ZFC3H1: variants seen among roughly 807,000 people sequenced by gnomAD.
The protein encoded by ZFC3H1 is zinc finger C3H1 domain-containing protein.
A neutral mutation model predicts 243.7 loss-of-function variants in ZFC3H1; 71 were observed. The observed-to-expected ratio is 0.29, with a 90% CI of 0.24 to 0.36. The LOEUF (loss-of-function observed/expected upper bound fraction) is 0.36. Ranked by LOEUF, ZFC3H1 falls within the 10% of genes least tolerant of loss-of-function variation. The probability of loss-of-function intolerance (pLI) is 1.00; values close to 1 mark genes in which losing one functional copy is unlikely to be tolerated. For synonymous variants in ZFC3H1, 838 were observed against 813.0 expected, an observed-to-expected ratio of 1.03 and a Z score of -0.52; for missense variants, 1,966 against 2,317.1, an observed-to-expected ratio of 0.85 and a Z score of 3.11.
At position 71,619,402 on chromosome 12, in the gene ZFC3H1, C is replaced by T. The variant is rs768853528; in HGVS notation, c.5057G>A (p.Gly1686Asp). 2 of 1,613,128 alleles carry T rather than the reference C, an allele frequency of 1.2e-6. No homozygotes were observed. Among genetic ancestry groups the T allele is most frequent in the Admixed American group, 1.7e-5 (1 of 59,958 alleles). ...CCGCAAAAATGGAAGAAGATTATCG[C>T]CTCGATTCTATTTTAAAAAGAGGGA... ...MCKFFILQNR[G>D]DNLLPFLRKF... The change falls in exon 27 of 35, where the codon GGC (glycine) becomes GAC (aspartate). Residue 1686 changes from glycine (G) to aspartate (D), a missense_variant. Physicochemically the swap from Gly to Asp is moderately conservative, Grantham distance 94. This residue lies in a region of ZFC3H1 where 1,383 missense variants were observed against 1,723.7 expected (regional missense o/e 0.80). Coordinates refer to ENST00000378743, the MANE Select transcript of ZFC3H1 (RefSeq NM_144982.5).
intron 6 of ZFC3H1, 74 bp downstream of exon 6, chr12:71,642,362 G>GT: frequency 6.8e-7 from 1 of 1,479,088 alleles, no homozygotes; most frequent in Admixed American, 2.1e-5. Flanking sequence ...TTCTTTAAAG[G>GT]TTTTGAGTAC....
At chr12:71,628,051 ATG>A (rs1384078693) in intron 20 of ZFC3H1, 117 bp from the exon 21 acceptor site, 9 of 998,536 alleles carry the variant, frequency 9.0e-6, no homozygotes, top group Non-Finnish European at 1.5e-6. Flanking sequence ...TTCTAATGAC[ATG>A]TACTAGCTCA....
At chr12:71,640,495 A>T (rs1186304701) in intron 6 of ZFC3H1, among the ~76,000 whole-genome samples, 1 of 152,246 alleles carries the variant, frequency 6.6e-6, no homozygotes, top group Admixed American at 6.5e-5. Context: ...GTGCAGATAC[A>T]GGCTCAACCT....
At position 71,629,628 on chromosome 12, in the gene ZFC3H1, G is replaced by T; in HGVS notation, c.3807C>A (p.Ile1269=). Reference sequence around the variant, plus strand: ...ACTTACTATGACCTTTACTTTCATTGATATTGCTAACAAGGAGAACAGCCA... The same window carrying T: ...ACTTACTATGACCTTTACTTTCATTTATATTGCTAACAAGGAGAACAGCCA... ...DQMAVLLVSN[I]NESKGHTPPF... Residue 1269 remains isoleucine (I), a synonymous_variant, in exon 19 of 35, where the codon ATC becomes ATA. Transcript: ENST00000378743. 1 of 1,607,442 alleles carries T rather than the reference G, an allele frequency of 6.2e-7. No homozygotes were observed.
intron 19 of ZFC3H1, 70 bp from the exon 20 acceptor site, chr12:71,629,107 A>C: frequency 7.5e-7 from 1 of 1,330,674 alleles, no homozygotes; most frequent in African/African-American, 1.5e-5. Flanking sequence ...AAGGATACTC[A>C]AATAATATTT....
In ZFC3H1 at chr12:71,663,782, C is replaced by T; in HGVS notation, c.-172G>A. On this transcript the variant is annotated 5_prime_UTR_variant, in exon 1 of 35. Coordinates refer to ENST00000378743, the MANE Select transcript of ZFC3H1 (RefSeq NM_144982.5). ...CCGCACCCCAGCACCCCAGCTCTCTCTCGCCGGACCGTCGCAACCCAGTTC... is the reference window on the plus strand; with the variant it reads ...CCGCACCCCAGCACCCCAGCTCTCTTTCGCCGGACCGTCGCAACCCAGTTC... 1 of 723,588 alleles carries T rather than the reference C, an allele frequency of 1.4e-6. No individual in the cohort carries two copies. The highest frequency in any genetic ancestry group is 2.2e-6 in the Non-Finnish European group (1 of 447,764). The allele number at this position is 723,588 out of a possible 1,614,324, so 44.8% of individuals were successfully genotyped here. A position where few individuals can be genotyped will look rare whatever the true frequency, so the allele number is the denominator to read the frequency against.
intron 28 of ZFC3H1, 59 bp from the exon 29 acceptor site, chr12:71,614,997 T>C (rs1592582599): frequency 2.8e-6 from 4 of 1,422,798 alleles, no homozygotes; most frequent in Non-Finnish European, 4.0e-6. Flanking sequence ...GGTGAAGGAA[T>C]GACAAAGTAT....
At position 71,631,764 on chromosome 12, in the gene ZFC3H1, T is replaced by C; in HGVS notation, c.3470+14A>G. On this transcript the variant is annotated intron_variant, in intron 16 of 34. Transcript: ENST00000378743. ...AATCCTGAAATTCAAGCTTATTGAA[T>C]CTTTCTTTTATACCTGTAGGACTTA... The C allele has an allele frequency of 6.4e-7, 1 of 1,560,526 alleles. No homozygotes were observed. Among genetic ancestry groups the C allele is most frequent in the South Asian group, 1.2e-5 (1 of 83,576 alleles).
chr12:71,627,766 A>G lies in ZFC3H1; in HGVS notation c.4115T>C (p.Leu1372Ser). 3 of 1,610,662 alleles carry G rather than the reference A, an allele frequency of 1.9e-6. No homozygotes were observed. The South Asian group carries it at 3.3e-5, about 18-fold the overall frequency. ...GTTGACCTACCCCTCATTTTGATTC[A>G]AGTACTTGTACGCAAGCTTGAGCCA... ...QLWLKLAYKY[L>S]NQNEGECSES... is the part of the protein sequence containing the mutation. The change falls in exon 21 of 35, where the codon TTG becomes TCG. Residue 1372 changes from leucine to serine, a missense_variant. This residue lies in a region of ZFC3H1 where 1,383 missense variants were observed against 1,723.7 expected (regional missense o/e 0.80). Transcript: ENST00000378743.
Position 71,634,104 on chromosome 12 carries a change from G to C in ZFC3H1, c.2510+51C>G, listed in dbSNP as rs573351158. The stretch of plus-strand genomic sequence containing the variant: ...TATTAATAACATACACCACAAAAAT[G>C]TATTTCTCTACCACAGGAACAATTA... On this transcript the variant is annotated intron_variant, in intron 12 of 34. Coordinates refer to ENST00000378743, the MANE Select transcript of ZFC3H1 (RefSeq NM_144982.5). 3.2e-6 allele frequency: 5 copies of C among 1,547,826 alleles called. No individual in the cohort carries two copies. The Admixed American group carries it at 7.9e-5, about 24-fold the overall frequency.
In ZFC3H1 at chr12:71,630,505, T is replaced by G. The variant is rs533546655; in HGVS notation, c.3724+95A>C. 1.1e-4 allele frequency: 161 copies of G among 1,442,150 alleles called. No individual in the cohort carries two copies. In the African/African-American group the frequency reaches 2.1e-3, roughly 19 times the overall value. 89.3% of individuals were successfully genotyped at this position (1,442,150 alleles called of 1,614,324 possible). A position where few individuals can be genotyped will look rare whatever the true frequency, so the allele number is the denominator to read the frequency against. Reference sequence around the variant, plus strand: ...TATTATGGGTAAATACACTGAATTATAGTAAGTATTTTACAATGTCAACAA... The same window carrying G: ...TATTATGGGTAAATACACTGAATTAGAGTAAGTATTTTACAATGTCAACAA... On this transcript the variant is annotated intron_variant, in intron 18 of 34. Coordinates refer to ENST00000378743, the MANE Select transcript of ZFC3H1 (RefSeq NM_144982.5).
intron 2 of ZFC3H1, chr12:71,656,463 A>G: frequency 1.6e-6 from 1 of 624,560 alleles, no homozygotes; most frequent in South Asian, 1.9e-5. Flanking sequence ...GCTCATCCCA[A>G]TAATGAAGAA....
intron 23 of ZFC3H1, 100 bp from the exon 24 acceptor site, chr12:71,623,697 T>G: frequency 2.4e-6 from 2 of 837,454 alleles, no homozygotes; most frequent in Non-Finnish European, 3.6e-6. Flanking sequence ...AATAAAAAGG[T>G]CACATTTATT....
intron 1 of ZFC3H1, among the ~76,000 whole-genome samples, chr12:71,657,814 C>T (rs192290378): frequency 6.6e-6 from 1 of 152,052 alleles, no homozygotes; most frequent in African/African-American, 2.4e-5. Context: ...CACAGTGAAA[C>T]CCCATCTCTA....
At position 71,632,529 on chromosome 12, in the gene ZFC3H1, T is replaced by C. The variant is rs1880349895; in HGVS notation, c.2818-15A>G. On this transcript the variant is annotated splice_polypyrimidine_tract_variant and intron_variant, in intron 14 of 34. Transcript: ENST00000378743. The stretch of plus-strand genomic sequence containing the variant: ...ATTTTGTTTGGCTAAGGGAGAAAAA[T>C]GATACACGTATTTTACATCACTGTG... 2.0e-6 allele frequency: 3 copies of C among 1,532,396 alleles called. No homozygotes were observed. The highest frequency in any genetic ancestry group is 1.4e-5 in the African/African-American group (1 of 72,098). 94.9% of individuals were successfully genotyped at this position (1,532,396 alleles called of 1,614,324 possible).
intron 24 of ZFC3H1, among the ~76,000 whole-genome samples, chr12:71,621,426 C>A (rs1880024907): frequency 6.6e-6 from 1 of 152,016 alleles, no homozygotes; most frequent in African/African-American, 2.4e-5. Context: ...GCCTCAGCCT[C>A]CCGAGTAGTT....
chr12:71,610,663 A>G (rs1253856339), intron 34 of ZFC3H1, 32 bp downstream of exon 34: 23 of 1,612,546 alleles, frequency 1.4e-5, no homozygotes, highest in Non-Finnish European at 1.9e-5. Context: ...ACAGGAAAAC[A>G]TCGAGATAAA....
chr12:71,645,270 A>C (rs1298241544), intron 3 of ZFC3H1, among the ~76,000 whole-genome samples, 195 bp from the exon 4 acceptor site: 1 of 152,260 alleles, frequency 6.6e-6, no homozygotes, highest in Non-Finnish European at 1.5e-5. Flanking sequence ...TACGAATAGA[A>C]GATGAGTCTG....
intron 33 of ZFC3H1, 78 bp downstream of exon 33, chr12:71,610,980 C>A: frequency 6.4e-7 from 1 of 1,559,388 alleles, no homozygotes; most frequent in South Asian, 1.2e-5. Flanking sequence ...TGCTTTAATT[C>A]TTTTAAATTG....
Sources: allele counts gnomAD v4.1 joint callset (sites outside exome capture counted in the v4.1 genomes callset), GRCh38; gene constraint gnomAD v4.1.1; regional missense constraint gnomAD v4.1.1; transcripts MANE v1.5; gene names NCBI Gene and HGNC (gene_info 2026-07-23, HGNC 2026-07-21).